Variants in ZNF148 observed in about 807,000 individuals in gnomAD.
The protein encoded by ZNF148 is zinc finger protein 148, also known as Beta-Enolase Repressor Factor-1.
ZNF148 carries 7 observed loss-of-function variants against 67.7 expected under a neutral mutation model. That is an observed-to-expected ratio of 0.10 (90% CI 0.06 to 0.19). ZNF148 has a LOEUF of 0.19. Among genes scored for constraint, ZNF148 ranks in the 10% least tolerant of loss-of-function variants. The pLI is 1.00. For missense variants in ZNF148, 583 were observed against 947.1 expected (o/e 0.62, Z 5.05); for synonymous variants, 333 against 330.7 (o/e 1.01, Z -0.08).
chr3:125,272,968 G>C (rs1475109113), intron 7 of ZNF148, among the ~76,000 whole-genome samples: 1 of 152,192 alleles, frequency 6.6e-6, no homozygotes, highest in Non-Finnish European at 1.5e-5. Flanking sequence ...TACACAAACA[G>C]TATTCATTTC....
chr3:125,302,878 T>C (rs1371735039), intron 4 of ZNF148, among the ~76,000 whole-genome samples: 1 of 152,222 alleles, frequency 6.6e-6, no homozygotes, highest in Admixed American at 6.5e-5. Flanking sequence ...ATTCTAGAGA[T>C]GAATACCTAT....
At chr3:125,365,772 G>T (rs1273295494) in intron 1 of ZNF148, among the ~76,000 whole-genome samples, 2 of 152,148 alleles carry the variant, frequency 1.3e-5, no homozygotes, top group Non-Finnish European at 2.9e-5. Context: ...GAGCTGCTGC[G>T]TTCACACAAC....
Position 125,278,940 on chromosome 3 carries a change from A to G in ZNF148, c.583+184T>C, listed in dbSNP as rs550460315. On this transcript the variant is annotated intron_variant, in intron 6 of 8. Coordinates refer to ENST00000360647, the MANE Select transcript of ZNF148 (RefSeq NM_021964.3). ...ACTATTTAATTAATTTTACACATCC[A>G]TGCTAATTGTTTTCTCACTTAAGAG... is the stretch of plus-strand genomic sequence containing the variant. 5.3e-5 allele frequency among the ~76,000 whole-genome samples: 8 copies of G among 152,292 alleles called. No individual in the cohort carries two copies. In the South Asian group the frequency reaches 1.4e-3, roughly 28 times the overall value.
At chr3:125,267,589 A>C (rs1937562101) in intron 7 of ZNF148, among the ~76,000 whole-genome samples, 1 of 149,900 alleles carries the variant, frequency 6.7e-6, no homozygotes, top group South Asian at 2.1e-4. Context: ...CACAATAATA[A>C]GAGCCATCTA....
At chr3:125,337,489 G>A (rs79740931) in intron 1 of ZNF148, among the ~76,000 whole-genome samples, 2 of 152,188 alleles carry the variant, frequency 1.3e-5, no homozygotes, top group East Asian at 3.9e-4. Context: ...TTAAGGAAAA[G>A]CTGTTTAATT....
Position 125,356,381 on chromosome 3 carries a change from C to T in ZNF148, c.-234+18721G>A, listed in dbSNP as rs575974342. Among the ~76,000 whole-genome samples the T allele has an allele frequency of 5.5e-4, 84 of 152,284 alleles. 1 individual carries two copies. Among genetic ancestry groups the T allele is most frequent in the Non-Finnish European group, 3.4e-4 (23 of 68,030 alleles). ...CTGGTAATCTCAAGCAAATTATTCA[C>T]TCAGGTTAAGGTTCTATACCTGTAT... On this transcript the variant is annotated intron_variant, in intron 1 of 8. Coordinates refer to ENST00000360647, the MANE Select transcript of ZNF148 (RefSeq NM_021964.3).
Position 125,249,647 on chromosome 3 carries a change from T to C in ZNF148, c.668-15318A>G, listed in dbSNP as rs530504534. 2.6e-5 allele frequency among the ~76,000 whole-genome samples: 4 copies of C among 152,230 alleles called. No homozygotes were observed. In the South Asian group the frequency reaches 8.3e-4, roughly 32 times the overall value. On this transcript the variant is annotated intron_variant, in intron 7 of 8. Coordinates refer to ENST00000360647, the MANE Select transcript of ZNF148 (RefSeq NM_021964.3). ...AACAAAAAAAAACTAAAAATAGAAC[T>C]ACCATATGATCCAGTAATTTCATTT...
chr3:125,269,751 A>G (rs1188901331), intron 7 of ZNF148, among the ~76,000 whole-genome samples: 2 of 152,228 alleles, frequency 1.3e-5, no homozygotes, highest in Non-Finnish European at 2.9e-5. Context: ...TGGTACATAT[A>G]CACCATGGAA....
rs546460782 is a variant in ZNF148 at position 125,229,201 on chromosome 3, G to A, written c.*3140C>T. On this transcript the variant is annotated 3_prime_UTR_variant, in exon 9 of 9. Coordinates refer to ENST00000360647, the MANE Select transcript of ZNF148 (RefSeq NM_021964.3). ...GTAATGCCTACTTTTAAAGTTTCCC[G>A]GCCTTTTTTTTTTTTTTTTAAACAG... 4.2e-5 allele frequency: 4 copies of A among 95,540 alleles called. No individual in the cohort carries two copies. In the South Asian group the frequency reaches 9.6e-4, roughly 23 times the overall value. The allele number at this position is 95,540 out of a possible 1,614,324, so 5.9% of individuals were successfully genotyped here.
chr3:125,295,697 C>T (rs1939247194), intron 4 of ZNF148, among the ~76,000 whole-genome samples: 1 of 152,078 alleles, frequency 6.6e-6, no homozygotes. Context: ...CACCTGTAAC[C>T]TGGAGGGGAA....
In ZNF148 at chr3:125,233,439, A is replaced by G; in HGVS notation, c.1287T>C (p.Leu429=). ...ESKVSKYAFE[L]VDKQALLDSE... ...AGTCCAGTAAAGCCTGTTTATCCAC[A>G]AGTTCAAAAGCATACTTTGAAACTT... The change falls in exon 9 of 9, where the codon CTT becomes CTC. Residue 429 remains leucine (L), a synonymous_variant. Transcript: ENST00000360647. This position sits in a 1 kb window ranked among gnomAD's most constrained non-coding sequence, Gnocchi z 5.1. 1 of 1,613,932 alleles carries G rather than the reference A, an allele frequency of 6.2e-7. No homozygotes were observed. The highest frequency in any genetic ancestry group is 1.7e-5 in the Admixed American group (1 of 59,950).
At chr3:125,259,689 C>T (rs866966084) in intron 7 of ZNF148, among the ~76,000 whole-genome samples, 8 of 152,152 alleles carry the variant, frequency 5.3e-5, no homozygotes, top group Non-Finnish European at 7.3e-5. Flanking sequence ...GCACTGGGTG[C>T]GGTGGCTCAT....
chr3:125,351,354 G>A (rs1390370147), intron 1 of ZNF148, among the ~76,000 whole-genome samples: 1 of 132,738 alleles, frequency 7.5e-6, no homozygotes, highest in African/African-American at 2.9e-5. Context: ...ACTCCGGCCT[G>A]GGCCACAGAG....
chr3:125,249,961 A>C (rs1242943816), intron 7 of ZNF148, among the ~76,000 whole-genome samples: 1 of 152,164 alleles, frequency 6.6e-6, no homozygotes, highest in Non-Finnish European at 1.5e-5. Flanking sequence ...TTATAGGTGG[A>C]ATCTAAAGAG....
intron 1 of ZNF148, among the ~76,000 whole-genome samples, chr3:125,356,046 A>G (rs953408080): frequency 5.9e-5 from 9 of 152,176 alleles, no homozygotes; most frequent in Admixed American, 5.2e-4. Context: ...TGAAAAATAT[A>G]TCTTCCCCCC....
At chr3:125,310,267 A>G (rs973015933) in intron 4 of ZNF148, among the ~76,000 whole-genome samples, 5 of 152,008 alleles carry the variant, frequency 3.3e-5, no homozygotes, top group East Asian at 1.9e-4. Context: ...TTTAGTAGAG[A>G]TGGGGTTTTG....
At chr3:125,250,540 A>C (rs9289245) in intron 7 of ZNF148, among the ~76,000 whole-genome samples, 118,252 of 152,118 alleles carry the variant, frequency 0.78, 46,570 homozygotes, top group African/African-American at 0.87. Context: ...GAAACTCATG[A>C]TCAATATTTT....
At chr3:125,364,751 TAA>T (rs1205849458) in intron 1 of ZNF148, among the ~76,000 whole-genome samples, 1 of 152,190 alleles carries the variant, frequency 6.6e-6, no homozygotes, top group Non-Finnish European at 1.5e-5. Context: ...GGTGGCTACA[TAA>T]ATTTATACCT....
intron 7 of ZNF148, among the ~76,000 whole-genome samples, chr3:125,245,177 G>T (rs780323367): frequency 1.3e-5 from 2 of 152,036 alleles, no homozygotes; most frequent in Non-Finnish European, 2.9e-5. Context: ...CTGTGACATG[G>T]TTTGGCTCTG....
Sources: allele counts gnomAD v4.1 joint callset (sites outside exome capture counted in the v4.1 genomes callset), GRCh38; gene constraint gnomAD v4.1.1; non-coding constraint Gnocchi (gnomAD v3.1); transcripts MANE v1.5; gene names NCBI Gene and HGNC (gene_info 2026-07-23, HGNC 2026-07-21).